The following RECQL5 variants were observed in gnomAD, a reference collection of about 807,000 sequenced individuals.
The protein encoded by RECQL5 is RecQ like helicase 5.
Under a neutral mutation model 103.4 loss-of-function variants are expected in RECQL5, and 88 were observed. The observed-to-expected ratio is 0.85, with a 90% CI of 0.72 to 1.02. The LOEUF (loss-of-function observed/expected upper bound fraction) is 1.02, where lower values mean the gene tolerates loss of function less well. Among genes scored for constraint, RECQL5 ranks in the 50% least tolerant of loss-of-function variants. RECQL5 has a pLI of 0.00. For synonymous variants in RECQL5, 552 were observed against 507.9 expected, an observed-to-expected ratio of 1.09 and a Z score of -1.17; for missense variants, 1,232 against 1,284.3, an observed-to-expected ratio of 0.96 and a Z score of 0.62.
chr17:75,667,107 A>AC lies in RECQL5; in HGVS notation c.-79dup. 1 of 457,700 alleles carries AC rather than the reference A, an allele frequency of 2.2e-6. No homozygotes were observed. The highest frequency in any genetic ancestry group is 4.5e-5 in the East Asian group (1 of 21,984). The allele number at this position is 457,700 out of a possible 1,614,324, so 28.4% of individuals were successfully genotyped here. A position where few individuals can be genotyped will look rare whatever the true frequency, so the allele number is the denominator to read the frequency against. ...TGGCTGGTTCCGGAACTGTTCGAAG[A>AC]CCCCTATACACAACCCCAACTCAGA... On this transcript the variant is annotated 5_prime_UTR_variant, in exon 1 of 20. Coordinates refer to ENST00000317905, the MANE Select transcript of RECQL5 (RefSeq NM_004259.7).
chr17:75,664,930 A>AAAT, intron 3 of RECQL5, 121 bp downstream of exon 3: 2 of 1,251,226 alleles, frequency 1.6e-6, no homozygotes, highest in Non-Finnish European at 2.1e-6. Context: ...AAAAAAAAAA[A>AAAT]GGAAAAAGAA....
chr17:75,651,092 C>A (rs1180309252), intron 8 of RECQL5, 94 bp downstream of exon 8: 3 of 1,606,588 alleles, frequency 1.9e-6, no homozygotes, highest in African/African-American at 2.7e-5. Context: ...TGGTAGCCTA[C>A]GGGCTGTCTT....
At position 75,630,849 on chromosome 17, in the gene RECQL5, G is replaced by A. The variant is rs562186253; in HGVS notation, c.1586-12C>T. The A allele has an allele frequency of 2.1e-6, 3 of 1,457,744 alleles. No homozygotes were observed. The highest frequency in any genetic ancestry group is 2.6e-5 in the South Asian group (2 of 75,930). 90.3% of individuals were successfully genotyped at this position (1,457,744 alleles called of 1,614,324 possible). A position where few individuals can be genotyped will look rare whatever the true frequency, so the allele number is the denominator to read the frequency against. On this transcript the variant is annotated splice_polypyrimidine_tract_variant and intron_variant, in intron 11 of 19. Coordinates refer to ENST00000317905, the MANE Select transcript of RECQL5 (RefSeq NM_004259.7). ...GGGACAGTTCTCATCTGTGGGGGGG[G>A]GGGGTGGTCCTTGGTCCTTTCGCTC...
chr17:75,632,898 T>G (rs1464732852), intron 8 of RECQL5, among the ~76,000 whole-genome samples: 1 of 152,210 alleles, frequency 6.6e-6, no homozygotes, highest in Non-Finnish European at 1.5e-5. Flanking sequence ...CTGCTCTAAC[T>G]AGAACTCCTC....
At chr17:75,644,805 G>T (rs1479963692) in intron 8 of RECQL5, among the ~76,000 whole-genome samples, 1 of 148,332 alleles carries the variant, frequency 6.7e-6, no homozygotes, top group Non-Finnish European at 1.5e-5. Context: ...CTCCAGCCTG[G>T]GCTACAGAGT....
chr17:75,629,509 C>T, intron 15 of RECQL5, 34 bp from the exon 16 acceptor site: 1 of 1,500,032 alleles, frequency 6.7e-7, no homozygotes, highest in Non-Finnish European at 8.9e-7. Context: ...GGAGGTTCAG[C>T]CCACTAGGCC....
chr17:75,659,502 A>G (rs934476438), intron 6 of RECQL5, among the ~76,000 whole-genome samples: 1 of 152,124 alleles, frequency 6.6e-6, no homozygotes, highest in East Asian at 1.9e-4. Context: ...GACTACAGGC[A>G]CATGCCACTA....
At chr17:75,632,615 C>T (rs2059239400) in intron 8 of RECQL5, among the ~76,000 whole-genome samples, 1 of 152,234 alleles carries the variant, frequency 6.6e-6, no homozygotes, top group African/African-American at 2.4e-5. Flanking sequence ...CTGGGGTGAG[C>T]GGCCTCTGCC....
intron 8 of RECQL5, 184 bp downstream of exon 8, chr17:75,651,002 C>T (rs926775624): frequency 2.5e-5 from 38 of 1,512,368 alleles, no homozygotes; most frequent in Middle Eastern, 2.5e-4. Flanking sequence ...TGCGAGAGAT[C>T]CCGGGGCCTC....
rs1350022379 is a variant in RECQL5 at position 75,651,208 on chromosome 17, C to G, written c.1207G>C (p.Val403Leu). ...TACCCCAGTTCTTCACAGAAGGTCACCAGGGCATCAAAGGCCATGATAGTG... is the reference window on the plus strand; with the variant it reads ...TACCCCAGTTCTTCACAGAAGGTCAGCAGGGCATCAAAGGCCATGATAGTG... ...KATIMAFDAL[V>L]TFCEELGCRH... is the part of the protein sequence containing the mutation. Residue 403 changes from valine to leucine, a missense_variant, in exon 8 of 20, where the codon GTG (valine) becomes CTG (leucine). Transcript: ENST00000317905. The G allele has an allele frequency of 1.2e-6, 2 of 1,614,078 alleles. No homozygotes were observed. Among genetic ancestry groups the G allele is most frequent in the Admixed American group, 1.7e-5 (1 of 59,996 alleles).
intron 7 of RECQL5, among the ~76,000 whole-genome samples, chr17:75,653,069 C>T (rs985803034): frequency 2.8e-4 from 43 of 152,252 alleles, no homozygotes; most frequent in Admixed American, 2.3e-3. Flanking sequence ...GGTGGTGGGG[C>T]GGAGGGAGGT....
Position 75,666,497 on chromosome 17 carries a change from TCAG to T in RECQL5, c.58_60del (p.Leu20del), listed in dbSNP as rs779259751. ...AAAGAGTCAAACCCAAAGACCTTCT[TCAG>T]CGTACTCCGGACTCGCCGCTCAGGG... is the stretch of plus-strand genomic sequence containing the variant. On this transcript the variant is annotated inframe_deletion, in exon 2 of 20. Coordinates refer to ENST00000317905, the MANE Select transcript of RECQL5 (RefSeq NM_004259.7). 9.3e-6 allele frequency: 15 copies of T among 1,614,196 alleles called. No individual in the cohort carries two copies. Among genetic ancestry groups the T allele is most frequent in the Non-Finnish European group, 1.3e-5 (15 of 1,180,040 alleles).
chr17:75,640,143 AG>A lies in RECQL5; in HGVS notation c.1230-8476del. The A allele has an allele frequency of 6.7e-7, 1 of 1,492,290 alleles. No individual in the cohort carries two copies. 92.4% of individuals were successfully genotyped at this position (1,492,290 alleles called of 1,614,324 possible). On this transcript the variant is annotated intron_variant, in intron 8 of 19. Coordinates refer to ENST00000317905, the MANE Select transcript of RECQL5 (RefSeq NM_004259.7). The surrounding 1 kb of genome is among the most constrained non-coding windows in gnomAD (Gnocchi z 4.6). Reference sequence around the variant, plus strand: ...GTGTGGGGCCAGCCGTGGAGGCTCCAGGTGTTCTCTCTGCCCCAGCAGAGCC... The same window carrying A: ...GTGTGGGGCCAGCCGTGGAGGCTCCAGTGTTCTCTCTGCCCCAGCAGAGCC...
Position 75,631,502 on chromosome 17 carries a change from A to G in RECQL5, c.1396T>C (p.Phe466Leu). 1 of 1,613,260 alleles carries G rather than the reference A, an allele frequency of 6.2e-7. No individual in the cohort carries two copies. The highest frequency in any genetic ancestry group is 1.1e-5 in the South Asian group (1 of 91,086). The change falls in exon 9 of 20, where the codon TTT (phenylalanine) becomes CTT (leucine). Residue 466 changes from phenylalanine (F) to leucine (L), a missense_variant. By Grantham distance (22) the Phe-to-Leu change is conservative. Coordinates refer to ENST00000317905, the MANE Select transcript of RECQL5 (RefSeq NM_004259.7). ...TCIGPSQGNG[F>L]DPELYEGGRK... ...CCTCCCTCATACAGCTCGGGGTCAAAGCCGTTCCCCTGGGAGGGCCCGATG... is the reference window on the plus strand; with the variant it reads ...CCTCCCTCATACAGCTCGGGGTCAAGGCCGTTCCCCTGGGAGGGCCCGATG...
intron 8 of RECQL5, among the ~76,000 whole-genome samples, chr17:75,642,116 TTTCC>T: frequency 6.6e-6 from 1 of 152,204 alleles, no homozygotes; most frequent in Non-Finnish European, 1.5e-5. Context: ...AAGCAGCACC[TTTCC>T]TTCCTTACCC....
At chr17:75,657,185 A>G (rs2059634643) in intron 7 of RECQL5, among the ~76,000 whole-genome samples, 1 of 152,234 alleles carries the variant, frequency 6.6e-6, no homozygotes, top group Admixed American at 6.5e-5. Context: ...CCTGGGTAAC[A>G]TAACAAGAGC....
chr17:75,661,129 T>A (rs2059693488), intron 5 of RECQL5, 63 bp from the exon 6 acceptor site: 10 of 1,356,490 alleles, frequency 7.4e-6, no homozygotes, highest in African/African-American at 2.9e-5. Flanking sequence ...CGGGGGCCTA[T>A]TTTGGGTTTG....
rs372856742 is a variant in RECQL5 at position 75,630,792 on chromosome 17, C to T, written c.1631G>A (p.Arg544Lys). The T allele has an allele frequency of 6.6e-7, 1 of 1,517,534 alleles. No individual in the cohort carries two copies. The highest frequency in any genetic ancestry group is 8.9e-7 in the Non-Finnish European group (1 of 1,129,538). 94.0% of individuals were successfully genotyped at this position (1,517,534 alleles called of 1,614,324 possible). The change falls in exon 12 of 20, where the codon AGG becomes AAG. Residue 544 changes from arginine (R) to lysine (K), a missense_variant. By Grantham distance (26) the Arg-to-Lys change is conservative. Coordinates refer to ENST00000317905, the MANE Select transcript of RECQL5 (RefSeq NM_004259.7). ...LKEASSRRIP[R>K]LTVKAREHCL... ...CCCGTCTCTTACCTTCACAGTCAGC[C>T]TGGGGATCCTCCTGCTAGAAGCCTC... is the stretch of plus-strand genomic sequence containing the variant.
At chr17:75,650,723 A>T (rs1274181144) in intron 8 of RECQL5, 2 of 1,612,560 alleles carry the variant, frequency 1.2e-6, no homozygotes, top group African/African-American at 1.3e-5. Context: ...CATCGCCTGC[A>T]GATGCAGGTA....
Sources: allele counts gnomAD v4.1 joint callset (sites outside exome capture counted in the v4.1 genomes callset), GRCh38; gene constraint gnomAD v4.1.1; non-coding constraint Gnocchi (gnomAD v3.1); transcripts MANE v1.5; gene names NCBI Gene and HGNC (gene_info 2026-07-23, HGNC 2026-07-21).